Variants in TMEFF2 observed in about 807,000 individuals in gnomAD.
TMEFF2 encodes tomoregulin-2.
A neutral mutation model predicts 53.8 loss-of-function variants in TMEFF2; 28 were observed. The ratio of observed to expected loss-of-function variants is 0.52; its 90% CI spans 0.39 to 0.71. The LOEUF (loss-of-function observed/expected upper bound fraction) is 0.71. Ranked by LOEUF, TMEFF2 falls within the 30% of genes least tolerant of loss-of-function variation. The probability of loss-of-function intolerance (pLI) is 0.00; values close to 1 mark genes in which losing one functional copy is unlikely to be tolerated. For missense variants in TMEFF2, 353 were observed against 455.2 expected (o/e 0.78, Z 2.04); for synonymous variants, 162 against 166.3 (o/e 0.97, Z 0.20).
intron 2 of TMEFF2, among the ~76,000 whole-genome samples, chr2:192,190,992 T>A (rs1691448287): frequency 6.6e-6 from 1 of 152,140 alleles, no homozygotes; most frequent in South Asian, 2.1e-4. Context: ...TTAAAAGTAT[T>A]TTTAAAAGTA....
intron 3 of TMEFF2, 114 bp from the exon 4 acceptor site, chr2:192,179,808 A>C (rs1156761786): frequency 1.2e-6 from 1 of 865,486 alleles, no homozygotes; most frequent in Non-Finnish European, 1.6e-6. Flanking sequence ...TTTGAGAAAA[A>C]TACTAATATT....
At chr2:192,088,223 TA>T (rs1688709892) in intron 4 of TMEFF2, among the ~76,000 whole-genome samples, 1 of 151,952 alleles carries the variant, frequency 6.6e-6, no homozygotes, top group Non-Finnish European at 1.5e-5. Context: ...CCAAGGAAGC[TA>T]AATTGTGCCC....
intron 5 of TMEFF2, chr2:192,029,465 A>G (rs1160073184): frequency 6.6e-6 from 1 of 152,206 alleles, no homozygotes; most frequent in African/African-American, 2.4e-5. Flanking sequence ...TAGAAAAGGA[A>G]TACATTGAGA....
chr2:192,049,825 C>G (rs922889463), intron 5 of TMEFF2, among the ~76,000 whole-genome samples: 2 of 152,144 alleles, frequency 1.3e-5, no homozygotes, highest in African/African-American at 4.8e-5. Context: ...CACGATGAAA[C>G]CCCATCTCTA....
chr2:192,192,890 A>G (rs1048789636), intron 1 of TMEFF2, among the ~76,000 whole-genome samples: 7 of 152,252 alleles, frequency 4.6e-5, no homozygotes, highest in Non-Finnish European at 1.0e-4. Context: ...ACACACATGT[A>G]CGCATGAATC....
chr2:191,977,646 A>G lies in TMEFF2; in HGVS notation c.745+20616T>C, dbSNP rs551386533. Among the ~76,000 whole-genome samples the G allele has an allele frequency of 2.6e-5, 4 of 152,316 alleles. No individual in the cohort carries two copies. The South Asian group carries it at 8.3e-4, about 32-fold the overall frequency. On this transcript the variant is annotated intron_variant, in intron 7 of 9. Coordinates refer to ENST00000272771, the MANE Select transcript of TMEFF2 (RefSeq NM_016192.4). ...GATTTTTTGTCTTGACAAAATAAAT[A>G]TATATTAGGTTTAGGTCATTTCTCA... is the stretch of plus-strand genomic sequence containing the variant.
intron 4 of TMEFF2, among the ~76,000 whole-genome samples, chr2:192,134,247 C>T (rs1339967979): frequency 6.6e-6 from 1 of 152,174 alleles, no homozygotes; most frequent in Non-Finnish European, 1.5e-5. Flanking sequence ...TACCATTGTT[C>T]CTGGCCCGGA....
chr2:191,979,622 C>T (rs919738486), intron 7 of TMEFF2, among the ~76,000 whole-genome samples: 4 of 152,066 alleles, frequency 2.6e-5, no homozygotes, highest in Admixed American at 6.6e-5. Flanking sequence ...AAATGCCATA[C>T]ATTTGCATAT....
chr2:192,184,029 A>G (rs1691251649), intron 3 of TMEFF2, among the ~76,000 whole-genome samples: 1 of 152,134 alleles, frequency 6.6e-6, no homozygotes, highest in Non-Finnish European at 1.5e-5. Context: ...ATACATAGTC[A>G]GGTTTCTCCA....
At chr2:192,037,331 A>AAGAAAGAAAGAG (rs1687339429) in intron 5 of TMEFF2, among the ~76,000 whole-genome samples, 1 of 150,602 alleles carries the variant, frequency 6.6e-6, no homozygotes, top group Non-Finnish European at 1.5e-5. Flanking sequence ...GAAAGAAAGA[A>AAGAAAGAAAGAG]AGAAAAACAG....
At chr2:191,956,404 C>T in intron 7 of TMEFF2, 26 bp from the exon 8 acceptor site, 1 of 1,606,318 alleles carries the variant, frequency 6.2e-7, no homozygotes, top group Non-Finnish European at 8.5e-7. Context: ...AAAGTAAGCA[C>T]CCCCTGTAAA....
chr2:191,975,614 T>G (rs904015042), intron 7 of TMEFF2, among the ~76,000 whole-genome samples: 1 of 152,040 alleles, frequency 6.6e-6, no homozygotes, highest in Non-Finnish European at 1.5e-5. Flanking sequence ...TAGTTTTATT[T>G]TTTTATTGGT....
intron 4 of TMEFF2, among the ~76,000 whole-genome samples, chr2:192,077,714 G>A (rs1688464218): frequency 6.6e-6 from 1 of 151,754 alleles, no homozygotes; most frequent in African/African-American, 2.4e-5. Context: ...TTAAATTTAT[G>A]TTTTCAAGTT....
intron 2 of TMEFF2, among the ~76,000 whole-genome samples, chr2:192,186,577 A>G (rs536766583): frequency 1.4e-4 from 21 of 152,134 alleles, no homozygotes; most frequent in Non-Finnish European, 2.5e-4. Context: ...TGGTGACATA[A>G]TGATCGATAG....
rs892714406 is a variant in TMEFF2 at position 191,951,895 on chromosome 2, A to T, written c.1029-1488T>A. On this transcript the variant is annotated intron_variant, in intron 9 of 9. Transcript: ENST00000272771. ...TTATTTTATTATAACATGGAAAATG[A>T]GTAAGTCTATGTGCCTTGGAAAAAT... Among the ~76,000 whole-genome samples, 12 of 152,106 alleles carry T rather than the reference A, an allele frequency of 7.9e-5. No homozygotes were observed. In the East Asian group the frequency reaches 1.8e-3, roughly 23 times the overall value.
intron 2 of TMEFF2, among the ~76,000 whole-genome samples, chr2:192,189,817 C>T (rs917625020): frequency 6.6e-6 from 1 of 152,060 alleles, no homozygotes; most frequent in South Asian, 2.1e-4. Flanking sequence ...TTCAGCCACT[C>T]TATATTCTTG....
intron 4 of TMEFF2, among the ~76,000 whole-genome samples, chr2:192,090,830 A>C (rs1392052891): frequency 1.3e-5 from 2 of 152,146 alleles, no homozygotes; most frequent in Non-Finnish European, 2.9e-5. Context: ...ATGATGGCCC[A>C]AGAGTCTCAT....
rs377496762 is a variant in TMEFF2, at chr2:192,069,964, A to ATGTGTGTG, written c.440-12197_440-12190dup. On this transcript the variant is annotated intron_variant, in intron 4 of 9. Transcript: ENST00000272771. ...CCCTGTTTTTTCTAGATTTAGAAAA[A>ATGTGTGTG]TGTGTGTGTGTGTGTGTGTGTGTGT... Among the ~76,000 whole-genome samples, 5 of 86,606 alleles carry ATGTGTGTG rather than the reference A, an allele frequency of 5.8e-5. 1 individual carries two copies. The highest frequency in any genetic ancestry group is 1.8e-4 in the African/African-American group (4 of 22,048). 56.8% of individuals were successfully genotyped at this position (86,606 alleles called of 152,430 possible). A position where few individuals can be genotyped will look rare whatever the true frequency, so the allele number is the denominator to read the frequency against.
At chr2:192,023,765 T>C (rs1437809947) in intron 5 of TMEFF2, among the ~76,000 whole-genome samples, 1 of 152,198 alleles carries the variant, frequency 6.6e-6, no homozygotes, top group East Asian at 1.9e-4. Context: ...AGAATTAAAC[T>C]GGGAGAGCTT....
Sources: allele counts gnomAD v4.1 joint callset (sites outside exome capture counted in the v4.1 genomes callset), GRCh38; gene constraint gnomAD v4.1.1; transcripts MANE v1.5; gene names NCBI Gene and HGNC (gene_info 2026-07-23, HGNC 2026-07-21).